PRKCQ: variants seen among roughly 807,000 people sequenced by gnomAD.
The protein encoded by PRKCQ is protein kinase C theta, also known as protein kinase C theta type.
Under a neutral mutation model 91.2 loss-of-function variants are expected in PRKCQ, and 41 were observed. The ratio of observed to expected loss-of-function variants is 0.45; its 90% CI spans 0.35 to 0.58. PRKCQ has a LOEUF of 0.58. Ranked by LOEUF, PRKCQ falls within the 20% of genes least tolerant of loss-of-function variation. The pLI is 0.00. For synonymous variants in PRKCQ, 307 were observed against 316.9 expected (o/e 0.97, Z 0.33); for missense variants, 673 against 896.5 (o/e 0.75, Z 3.18).
chr10:6,523,495 TAA>T lies in PRKCQ; in HGVS notation c.-9-8353_-9-8352del, dbSNP rs535638145. ...AAAGTATAAATTGAAGATAATATTT[TAA>T]AATAACCCCTACAATACAGTGACAA... On this transcript the variant is annotated intron_variant, in intron 1 of 17. Transcript: ENST00000263125. 2.4e-4 allele frequency among the ~76,000 whole-genome samples: 37 copies of T among 152,196 alleles called. No homozygotes were observed. The South Asian group carries it at 7.7e-3, about 32-fold the overall frequency.
Position 6,497,358 on chromosome 10 carries a change from G to T in PRKCQ, c.543-107C>A. On this transcript the variant is annotated intron_variant, in intron 5 of 17. Coordinates refer to ENST00000263125, the MANE Select transcript of PRKCQ (RefSeq NM_006257.5). The surrounding 1 kb of genome is among the most constrained non-coding windows in gnomAD (Gnocchi z 4.5). Reference sequence around the variant, plus strand: ...CATAACCCCCTAAGATCACAGAGCAGTTTCTGATCAGCAGCCCTGTTGTAT... The same window carrying T: ...CATAACCCCCTAAGATCACAGAGCATTTTCTGATCAGCAGCCCTGTTGTAT... 1.5e-6 allele frequency: 2 copies of T among 1,300,298 alleles called. No homozygotes were observed. Among genetic ancestry groups the T allele is most frequent in the South Asian group, 1.2e-5 (1 of 83,020 alleles). The allele number at this position is 1,300,298 out of a possible 1,614,324, so 80.5% of individuals were successfully genotyped here.
At position 6,497,741 on chromosome 10, in the gene PRKCQ, C is replaced by T. The variant is rs942946753; in HGVS notation, c.543-490G>A. ...GAGAAAGGAGGTTCAAGTGATTAGA[C>T]GAAAGCAGGCTGATGAAAACCCGCC... On this transcript the variant is annotated intron_variant, in intron 5 of 17. Coordinates refer to ENST00000263125, the MANE Select transcript of PRKCQ (RefSeq NM_006257.5). This position sits in a 1 kb window ranked among gnomAD's most constrained non-coding sequence, Gnocchi z 4.5. Among the ~76,000 whole-genome samples, 13 of 152,162 alleles carry T rather than the reference C, an allele frequency of 8.5e-5. No homozygotes were observed. The highest frequency in any genetic ancestry group is 1.9e-4 in the African/African-American group (8 of 41,426).
chr10:6,418,514 C>A, the PRKCQ span, among the ~76,000 whole-genome samples: 3 of 21,768 alleles, frequency 1.4e-4, no homozygotes, highest in South Asian at 2.9e-3. Context: ...GGAAGGAATA[C>A]CTGCCCACCA....
chr10:6,567,917 C>T (rs191535069), intron 1 of PRKCQ, among the ~76,000 whole-genome samples: 21 of 152,042 alleles, frequency 1.4e-4, no homozygotes, highest in Admixed American at 1.1e-3. Context: ...CTTTCTTACT[C>T]GTATCTATTT....
At position 6,537,764 on chromosome 10, in the gene PRKCQ, GAC is replaced by G. The variant is rs370179462; in HGVS notation, c.-9-22622_-9-22621del. Among the ~76,000 whole-genome samples, 414 of 152,276 alleles carry G rather than the reference GAC, an allele frequency of 2.7e-3. 5 individuals carry two copies. The South Asian group carries it at 0.042, about 16-fold the overall frequency. On this transcript the variant is annotated intron_variant, in intron 1 of 17. Coordinates refer to ENST00000263125, the MANE Select transcript of PRKCQ (RefSeq NM_006257.5). ...CTGACACTTCTCTGGGGCTCTCAAA[GAC>G]ACTTTCATCTCAGTTGCTCCAAGAA...
intron 12 of PRKCQ, among the ~76,000 whole-genome samples, chr10:6,466,407 GT>G (rs1835658308): frequency 6.6e-6 from 1 of 152,198 alleles, no homozygotes; most frequent in Admixed American, 6.5e-5. Flanking sequence ...CACAGTCAGT[GT>G]TTACTAACAT....
At chr10:6,446,719 C>T (rs1368968510) in intron 15 of PRKCQ, among the ~76,000 whole-genome samples, 2 of 152,212 alleles carry the variant, frequency 1.3e-5, no homozygotes, top group Admixed American at 6.5e-5. Flanking sequence ...AGGGTGGCCC[C>T]TTTCTCTCTC....
intron 4 of PRKCQ, among the ~76,000 whole-genome samples, chr10:6,503,867 C>T (rs1314690374): frequency 6.6e-6 from 1 of 152,174 alleles, no homozygotes; most frequent in Non-Finnish European, 1.5e-5. Context: ...TCTTTGAAGT[C>T]ATGGGCTCAA....
the PRKCQ span, among the ~76,000 whole-genome samples, chr10:6,411,073 T>A: frequency 7.9e-5 from 12 of 152,046 alleles, no homozygotes; most frequent in East Asian, 2.1e-3. Flanking sequence ...GATCTTTGAG[T>A]TTTACGGAAA....
chr10:6,545,893 T>C (rs1234018187), intron 1 of PRKCQ, among the ~76,000 whole-genome samples: 1 of 151,860 alleles, frequency 6.6e-6, no homozygotes, highest in Admixed American at 6.6e-5. Context: ...ATCCCAGCTA[T>C]TCGGGAGGCT....
At chr10:6,520,230 T>G (rs1393812503) in intron 1 of PRKCQ, among the ~76,000 whole-genome samples, 1 of 152,166 alleles carries the variant, frequency 6.6e-6, no homozygotes, top group Non-Finnish European at 1.5e-5. Flanking sequence ...CCTTTCAAAC[T>G]TGCCTTTTCC....
intron 15 of PRKCQ, among the ~76,000 whole-genome samples, chr10:6,450,941 A>G (rs11517376): frequency 0.2 from 30,268 of 152,104 alleles, 3,851 homozygotes; most frequent in Non-Finnish European, 0.27. Flanking sequence ...GTAGAGGGAA[A>G]TTTATAGCAC....
the PRKCQ span, among the ~76,000 whole-genome samples, chr10:6,403,493 T>C: frequency 6.6e-6 from 1 of 152,220 alleles, no homozygotes; most frequent in South Asian, 2.1e-4. Flanking sequence ...CCAGTGTCCC[T>C]GAACCGTGAG....
chr10:6,574,048 G>A (rs149428151), intron 1 of PRKCQ, among the ~76,000 whole-genome samples: 12 of 152,298 alleles, frequency 7.9e-5, no homozygotes, highest in East Asian at 3.9e-4. Context: ...CCTCAGAGGC[G>A]GAGGCTGCTG....
At chr10:6,569,296 G>C (rs1402190123) in intron 1 of PRKCQ, among the ~76,000 whole-genome samples, 1 of 152,050 alleles carries the variant, frequency 6.6e-6, no homozygotes, top group Admixed American at 6.5e-5. Context: ...GAGCTTTCCA[G>C]AGGACAAGAG....
chr10:6,578,007 G>C (rs529388954), intron 1 of PRKCQ, among the ~76,000 whole-genome samples: 13 of 152,176 alleles, frequency 8.5e-5, no homozygotes, highest in Non-Finnish European at 1.9e-4. Flanking sequence ...TCTTTTCCAC[G>C]GAAGAGACAG....
At chr10:6,450,408 A>T (rs201598219) in intron 15 of PRKCQ, among the ~76,000 whole-genome samples, 15 of 151,818 alleles carry the variant, frequency 9.9e-5, no homozygotes, top group Admixed American at 2.6e-4. Context: ...CATCCAATAC[A>T]GGAGCACCCA....
At chr10:6,541,864 C>A (rs1443244553) in intron 1 of PRKCQ, among the ~76,000 whole-genome samples, 1 of 152,164 alleles carries the variant, frequency 6.6e-6, no homozygotes, top group African/African-American at 2.4e-5. Context: ...AATATCTACT[C>A]TTTACTCTTT....
downstream of PRKCQ, among the ~76,000 whole-genome samples, chr10:6,424,674 T>C (rs1196675784): frequency 6.6e-6 from 1 of 152,172 alleles, no homozygotes; most frequent in Non-Finnish European, 1.5e-5. Flanking sequence ...AGTTTTATGA[T>C]GTAACAAAGG....
Sources: gnomAD v4.1 joint callset for allele counts (sites outside exome capture counted in the v4.1 genomes callset) on GRCh38, gnomAD v4.1.1 for gene constraint, Gnocchi (gnomAD v3.1) non-coding constraint, MANE v1.5 for transcripts, NCBI Gene and HGNC (gene_info 2026-07-23, HGNC 2026-07-21) for gene names.